MEF2A: variants seen among roughly 807,000 people sequenced by gnomAD.
MEF2A encodes myocyte-specific enhancer factor 2A.
In MEF2A, 28 loss-of-function variants were observed where a neutral mutation model predicts 55.8. The observed-to-expected ratio is 0.50, with a 90% CI of 0.37 to 0.69. MEF2A has a LOEUF of 0.69. Ranked by LOEUF, MEF2A falls within the 30% of genes least tolerant of loss-of-function variation. The pLI is 0.00. For synonymous variants in MEF2A, 239 were observed against 227.1 expected (o/e 1.05, Z -0.47); for missense variants, 528 against 626.2 (o/e 0.84, Z 1.67).
intron 2 of MEF2A, among the ~76,000 whole-genome samples, chr15:99,617,179 A>G (rs1017007461): frequency 2.0e-5 from 3 of 151,844 alleles, no homozygotes; most frequent in Non-Finnish European, 2.9e-5. Context: ...AGACTGCCAT[A>G]CTGAGTTACC....
chr15:99,697,308 A>G (rs951088877), intron 8 of MEF2A, among the ~76,000 whole-genome samples: 7 of 152,148 alleles, frequency 4.6e-5, no homozygotes, highest in African/African-American at 1.4e-4. Context: ...TCCTCTATTC[A>G]TAGGAGATAG....
chr15:99,593,846 G>A (rs905735286), intron 1 of MEF2A, among the ~76,000 whole-genome samples: 2 of 152,168 alleles, frequency 1.3e-5, no homozygotes, highest in African/African-American at 2.4e-5. Flanking sequence ...TGCTTCAAAG[G>A]TCTTGTTTCT....
chr15:99,573,010 C>T (rs180787909), intron 1 of MEF2A, among the ~76,000 whole-genome samples: 13 of 152,228 alleles, frequency 8.5e-5, no homozygotes, highest in South Asian at 8.3e-4. Flanking sequence ...CCTAATCGGC[C>T]GGGCGCGGTG....
chr15:99,577,832 G>C (rs1485412537), intron 1 of MEF2A, among the ~76,000 whole-genome samples: 1 of 151,962 alleles, frequency 6.6e-6, no homozygotes, highest in Non-Finnish European at 1.5e-5. Flanking sequence ...TCGTTACTTT[G>C]TAGAATGTCT....
intron 1 of MEF2A, among the ~76,000 whole-genome samples, chr15:99,572,947 A>G (rs1596199920): frequency 6.6e-6 from 1 of 152,210 alleles, no homozygotes; most frequent in African/African-American, 2.4e-5. Flanking sequence ...CAACCAACCT[A>G]TTATAGTAGA....
intron 8 of MEF2A, among the ~76,000 whole-genome samples, chr15:99,697,477 A>T (rs325392): frequency 6.6e-6 from 1 of 151,160 alleles, no homozygotes; most frequent in East Asian, 1.9e-4. Context: ...AAAAATGATA[A>T]CACCCCAAAT....
intron 4 of MEF2A, among the ~76,000 whole-genome samples, chr15:99,661,339 A>G (rs1423722826): frequency 6.6e-6 from 1 of 151,942 alleles, no homozygotes; most frequent in Non-Finnish European, 1.5e-5. Flanking sequence ...AAAAATCACT[A>G]TCATATGGAT....
chr15:99,700,364 T>C (rs1055073341), intron 8 of MEF2A, among the ~76,000 whole-genome samples: 1 of 150,810 alleles, frequency 6.6e-6, no homozygotes, highest in East Asian at 2.0e-4. Context: ...ATACAAAAAT[T>C]AGTCGAGTGT....
intron 7 of MEF2A, among the ~76,000 whole-genome samples, chr15:99,682,048 C>T (rs1449554377): frequency 6.6e-6 from 1 of 152,122 alleles, no homozygotes; most frequent in African/African-American, 2.4e-5. Context: ...TTTCAGAATC[C>T]TTTGAAGTTT....
intron 1 of MEF2A, among the ~76,000 whole-genome samples, chr15:99,594,124 A>T (rs901873987): frequency 6.6e-6 from 1 of 152,188 alleles, no homozygotes; most frequent in Non-Finnish European, 1.5e-5. Flanking sequence ...TTGAGGGCTC[A>T]GCCTGACAAG....
intron 1 of MEF2A, among the ~76,000 whole-genome samples, chr15:99,581,142 C>T (rs368732725): frequency 2.0e-5 from 3 of 152,060 alleles, no homozygotes; most frequent in African/African-American, 7.2e-5. Flanking sequence ...ACATTTCTTT[C>T]CTTAGAGTTA....
At chr15:99,684,154 G>A (rs966534259) in intron 7 of MEF2A, among the ~76,000 whole-genome samples, 2 of 151,926 alleles carry the variant, frequency 1.3e-5, no homozygotes, top group African/African-American at 4.8e-5. Flanking sequence ...CCATATTTTC[G>A]CAATTGCAAA....
chr15:99,632,084 C>A (rs1418440243), intron 2 of MEF2A, among the ~76,000 whole-genome samples: 1 of 152,154 alleles, frequency 6.6e-6, no homozygotes, highest in Non-Finnish European at 1.5e-5. Flanking sequence ...TCATTCAGAA[C>A]ATGACAAACT....
At chr15:99,596,164 A>G (rs1468846692) in intron 1 of MEF2A, among the ~76,000 whole-genome samples, 3 of 152,184 alleles carry the variant, frequency 2.0e-5, no homozygotes, top group African/African-American at 7.2e-5. Context: ...ACATTTATAT[A>G]ATTGAGGAAT....
chr15:99,710,893 A>G (rs1203201192), intron 11 of MEF2A, 133 bp downstream of exon 11: 2 of 1,068,354 alleles, frequency 1.9e-6, no homozygotes, highest in South Asian at 3.5e-5. Context: ...GGTAGATACA[A>G]GTGTCGGGAG....
At chr15:99,704,195 G>A (rs2057755906) in intron 9 of MEF2A, among the ~76,000 whole-genome samples, 1 of 152,194 alleles carries the variant, frequency 6.6e-6, no homozygotes, top group Admixed American at 6.5e-5. Context: ...GCATGGGGGA[G>A]GAAGGCATCC....
At chr15:99,601,624 G>A (rs1973023386) in intron 2 of MEF2A, among the ~76,000 whole-genome samples, 1 of 149,620 alleles carries the variant, frequency 6.7e-6, no homozygotes, top group African/African-American at 2.5e-5. Flanking sequence ...CTGTGCATAT[G>A]GTCAGTTACA....
chr15:99,607,926 G>A (rs1348955489), intron 2 of MEF2A, among the ~76,000 whole-genome samples: 1 of 152,148 alleles, frequency 6.6e-6, no homozygotes, highest in Admixed American at 6.5e-5. Flanking sequence ...TATATCATCA[G>A]TTCTTATAAT....
At chr15:99,626,338 A>G (rs2042049068) in intron 2 of MEF2A, among the ~76,000 whole-genome samples, 1 of 151,982 alleles carries the variant, frequency 6.6e-6, no homozygotes, top group East Asian at 1.9e-4. Flanking sequence ...GATTTTAGTA[A>G]TTTTGAGTCT....
Sources: gnomAD v4.1 joint callset for allele counts (sites outside exome capture counted in the v4.1 genomes callset) on GRCh38, gnomAD v4.1.1 for gene constraint, MANE v1.5 for transcripts, NCBI Gene and HGNC (gene_info 2026-07-23, HGNC 2026-07-21) for gene names.